Variants in MYO15B observed in about 807,000 individuals in gnomAD.
The protein encoded by MYO15B is myosin XVB pseudogene.
In MYO15B, 207 loss-of-function variants were observed where a neutral mutation model predicts 119.3. The ratio of observed to expected loss-of-function variants is 1.73; its 90% CI spans 1.55 to 1.95. The LOEUF is 1.95. Ranked by LOEUF, MYO15B falls within the 30% of genes most tolerant of loss-of-function variation. MYO15B has a pLI of 0.00. For missense variants in MYO15B, 2,264 were observed against 1,203.1 expected (o/e 1.88, Z -13.04); for synonymous variants, 966 against 498.9 (o/e 1.94, Z -12.48).
chr17:75,590,566 A>G, intron 1 of MYO15B, 60 bp from the exon 2 acceptor site: 1 of 292,238 alleles, frequency 3.4e-6, no homozygotes, highest in Non-Finnish European at 6.3e-6. Context: ...GGGTGGCAGA[A>G]CTAACCCACA....
Position 75,592,242 on chromosome 17 carries a change from G to C in MYO15B, c.2656G>C (p.Val886Leu), listed in dbSNP as rs988855611. ...ACCCATCTTCTGTGCCCACAGAGGG[G>C]TCATCGTGGGAGCCTCTGTGTCTCA... Residue 886 changes from valine (V) to leucine (L), a missense_variant, in exon 7 of 64, where the codon GTC becomes CTC. Physicochemically the swap from Val to Leu is conservative, Grantham distance 32. Coordinates refer to ENST00000645453, the Ensembl canonical transcript of MYO15B. The C allele has an allele frequency of 5.8e-5, 41 of 702,750 alleles. No homozygotes were observed. In the Middle Eastern group the frequency reaches 1.1e-3, roughly 20 times the overall value. 43.5% of individuals were successfully genotyped at this position (702,750 alleles called of 1,614,324 possible).
intron 4 of MYO15B, 97 bp downstream of exon 4, chr17:75,591,343 C>A: frequency 1.5e-6 from 1 of 662,714 alleles, no homozygotes; most frequent in South Asian, 1.6e-5. Flanking sequence ...CTGGTATGCT[C>A]CACTGCTGGG....
At chr17:75,610,491 C>G (rs1442632759) in intron 22 of MYO15B, among the ~76,000 whole-genome samples, 1 of 152,208 alleles carries the variant, frequency 6.6e-6, no homozygotes, top group Non-Finnish European at 1.5e-5. Context: ...CCTGGCTCTT[C>G]CCTCTTGCCT....
At chr17:75,607,812 CTGGTAATTCTATCATA>C (rs897586667) in intron 21 of MYO15B, among the ~76,000 whole-genome samples, 9 of 152,032 alleles carry the variant, frequency 5.9e-5, no homozygotes, top group Admixed American at 5.9e-4. Context: ...AGTGAAAGTG[CTGGTAATTCTATCATA>C]TGGTAATTCT....
chr17:75,592,073 C>T (rs1271572583), exon 6 of MYO15B: 1 of 702,868 alleles, frequency 1.4e-6, no homozygotes, highest in South Asian at 1.5e-5. Flanking sequence ...CTGCCTCTAC[C>T]TACAGCAGTG....
intron 21 of MYO15B, among the ~76,000 whole-genome samples, chr17:75,609,329 G>T (rs922984432): frequency 1.3e-5 from 2 of 150,894 alleles, no homozygotes; most frequent in African/African-American, 4.9e-5. Context: ...ACGCCGTCAT[G>T]CCTGGCTAAT....
intron 11 of MYO15B, 31 bp downstream of exon 11, chr17:75,594,790 AG>A (rs1434073219): frequency 2.8e-5 from 20 of 702,758 alleles, no homozygotes; most frequent in Non-Finnish European, 4.9e-5. Context: ...GAGTCAGAGC[AG>A]GGCCCGAGGC....
At chr17:75,601,177 A>G (rs1037978733) in intron 14 of MYO15B, among the ~76,000 whole-genome samples, 12 of 152,100 alleles carry the variant, frequency 7.9e-5, no homozygotes, top group Non-Finnish European at 1.5e-4. Flanking sequence ...TGCTGAGATT[A>G]CATGCGTGAG....
At chr17:75,609,607 A>G (rs1172525377) in intron 21 of MYO15B, among the ~76,000 whole-genome samples, 4 of 146,516 alleles carry the variant, frequency 2.7e-5, no homozygotes, top group South Asian at 2.2e-4. Flanking sequence ...CAGTCTCTCA[A>G]TTTACTCGTT....
At chr17:75,588,193 G>A (rs1411536600) in exon 1 of MYO15B, 3 of 397,916 alleles carry the variant, frequency 7.5e-6, no homozygotes, top group South Asian at 2.5e-4. Context: ...CGGGCAGGCG[G>A]ACAGGGCGAA....
chr17:75,617,953 C>G (rs1193809800), intron 42 of MYO15B, 31 bp downstream of exon 42: 1 of 699,622 alleles, frequency 1.4e-6, no homozygotes, highest in African/African-American at 1.7e-5. Flanking sequence ...TTGGCCTGGC[C>G]TCTTTGGGCT....
chr17:75,624,985 A>G (rs1217966394), intron 59 of MYO15B, 69 bp downstream of exon 59: 1 of 685,584 alleles, frequency 1.5e-6, no homozygotes, highest in Middle Eastern at 2.4e-4. Context: ...GCGACCTCCA[A>G]GCCCCTCTCC....
chr17:75,620,265 C>G (rs761329631), exon 48 of MYO15B: 1 of 702,978 alleles, frequency 1.4e-6, no homozygotes, highest in South Asian at 1.5e-5. Flanking sequence ...TATGTCATCG[C>G]CCTGCGCAGC....
At chr17:75,610,802 C>T (rs113000307) in intron 22 of MYO15B, 98 bp from the exon 23 acceptor site, 8,330 of 695,990 alleles carry the variant, frequency 0.012, 63 homozygotes, top group Non-Finnish European at 0.018. Context: ...TGAGAACCTC[C>T]CAGGGGCAGG....
chr17:75,591,249 G>C lies in MYO15B; in HGVS notation c.2435+3G>C, dbSNP rs1380603878. ...CAGGACCCATGCATCCTCCTGTGGT[G>C]AGTGGTGGCCTTCCTGGGTGGCTGA... On this transcript the variant is annotated splice_donor_region_variant and intron_variant, in intron 4 of 63. Transcript: ENST00000645453. 2 of 702,772 alleles carry C rather than the reference G, an allele frequency of 2.8e-6. No individual in the cohort carries two copies. Among genetic ancestry groups the C allele is most frequent in the African/African-American group, 3.5e-5 (2 of 57,266 alleles). The allele number at this position is 702,772 out of a possible 1,614,324, so 43.5% of individuals were successfully genotyped here.
chr17:75,608,104 C>T (rs1359396646), intron 21 of MYO15B, among the ~76,000 whole-genome samples: 3 of 152,034 alleles, frequency 2.0e-5, no homozygotes, highest in Admixed American at 6.6e-5. Flanking sequence ...CTCCTCTGCC[C>T]GTTTTTAGTT....
Position 75,603,027 on chromosome 17 carries a change from A to G in MYO15B, c.3846-5A>G, listed in dbSNP as rs900171414. On this transcript the variant is annotated splice_polypyrimidine_tract_variant and splice_region_variant and intron_variant, in intron 17 of 63. Transcript: ENST00000645453. ...TGCCCGAGTGACCCCTCTTTCCCTC[A>G]TCAGGAGCCATGTCTATTTCATCCA... 1.1e-5 allele frequency: 8 copies of G among 703,136 alleles called. No homozygotes were observed. The highest frequency in any genetic ancestry group is 2.1e-5 in the Non-Finnish European group (8 of 385,040). The allele number at this position is 703,136 out of a possible 1,614,324, so 43.6% of individuals were successfully genotyped here. A position where few individuals can be genotyped will look rare whatever the true frequency, so the allele number is the denominator to read the frequency against.
At chr17:75,588,412 G>A (rs2056198287) in exon 1 of MYO15B, 2 of 398,386 alleles carry the variant, frequency 5.0e-6, no homozygotes, top group Non-Finnish European at 4.4e-6. Flanking sequence ...CTCCGGAGGA[G>A]AAGAGCTGGG....
At chr17:75,591,094 C>T in intron 3 of MYO15B, 78 bp downstream of exon 3, 1 of 697,294 alleles carries the variant, frequency 1.4e-6, no homozygotes, top group East Asian at 2.7e-5. Context: ...GACTGAGGTC[C>T]CGGGGCCTGT....
Sources: gnomAD v4.1 joint callset for allele counts (sites outside exome capture counted in the v4.1 genomes callset) on GRCh38, gnomAD v4.1.1 for gene constraint, MANE v1.5 for transcripts, NCBI Gene and HGNC (gene_info 2026-07-23, HGNC 2026-07-21) for gene names.